KHDRBS2: variants seen among roughly 807,000 people sequenced by gnomAD.
KHDRBS2 encodes the protein KH RNA binding domain containing, signal transduction associated 2, also known as KH domain-containing, RNA-binding, signal transduction-associated protein 2.
A neutral mutation model predicts 44.3 loss-of-function variants in KHDRBS2; 26 were observed. The ratio of observed to expected loss-of-function variants is 0.59; its 90% confidence interval spans 0.43 to 0.81. The LOEUF (loss-of-function observed/expected upper bound fraction) is 0.81, where lower values mean the gene tolerates loss of function less well. Ranked by LOEUF, KHDRBS2 falls within the 40% of genes least tolerant of loss-of-function variation. The pLI, the probability that KHDRBS2 is intolerant of heterozygous loss-of-function variation, is 0.00. For missense variants in KHDRBS2, 476 were observed against 433.1 expected (o/e 1.10, Z -0.88); for synonymous variants, 194 against 151.1 (o/e 1.28, Z -2.08).
chr6:62,015,154 A>G (rs187797422), intron 3 of KHDRBS2, among the ~76,000 whole-genome samples: 23 of 152,280 alleles, frequency 1.5e-4, no homozygotes, highest in Admixed American at 1.2e-3. Context: ...TTGAATCATC[A>G]TTATATCACT....
At chr6:62,008,036 T>A (rs1779587237) in intron 3 of KHDRBS2, among the ~76,000 whole-genome samples, 1 of 152,184 alleles carries the variant, frequency 6.6e-6, no homozygotes. Context: ...AAGCATTGAC[T>A]GTATGTAGAA....
intron 1 of KHDRBS2, among the ~76,000 whole-genome samples, chr6:62,243,733 C>A (rs1343316337): frequency 2.0e-5 from 3 of 152,126 alleles, no homozygotes; most frequent in African/African-American, 7.2e-5. Flanking sequence ...AAAACCAATT[C>A]TCAGTTTATA....
chr6:62,097,103 TTTTG>T (rs1490244143), intron 2 of KHDRBS2, among the ~76,000 whole-genome samples: 4 of 151,838 alleles, frequency 2.6e-5, no homozygotes, highest in Admixed American at 6.6e-5. Context: ...CCTGATATAA[TTTTG>T]TTTTTTTTTT....
the KHDRBS2 span, among the ~76,000 whole-genome samples, chr6:61,571,596 A>G: frequency 2.6e-5 from 4 of 152,124 alleles, no homozygotes; most frequent in African/African-American, 9.7e-5. Flanking sequence ...TTGACCCTAC[A>G]ACTGCAAAAT....
intron 6 of KHDRBS2, among the ~76,000 whole-genome samples, chr6:61,748,033 T>C (rs1424084501): frequency 6.6e-6 from 1 of 152,170 alleles, no homozygotes; most frequent in African/African-American, 2.4e-5. Context: ...CACTGTTGCC[T>C]GAGCTGCAGT....
At chr6:62,052,205 T>G (rs139123759) in intron 2 of KHDRBS2, among the ~76,000 whole-genome samples, 2,783 of 152,136 alleles carry the variant, frequency 0.018, 52 homozygotes, top group South Asian at 0.041. Flanking sequence ...GTAGCATTAT[T>G]CATGATACTA....
intron 4 of KHDRBS2, among the ~76,000 whole-genome samples, chr6:61,906,019 T>A (rs1804944394): frequency 6.6e-6 from 1 of 151,994 alleles, no homozygotes; most frequent in Admixed American, 6.6e-5. Context: ...GGGTAATTTT[T>A]GTATTTTTAG....
intron 1 of KHDRBS2, among the ~76,000 whole-genome samples, chr6:62,212,490 T>C (rs1829232036): frequency 2.0e-5 from 3 of 152,022 alleles, no homozygotes; most frequent in African/African-American, 7.2e-5. Context: ...TACCTCAGAA[T>C]ATGACCTTTT....
At chr6:61,543,391 T>A in the KHDRBS2 span, among the ~76,000 whole-genome samples, 1 of 151,840 alleles carries the variant, frequency 6.6e-6, no homozygotes, top group Non-Finnish European at 1.5e-5. Context: ...AAAAATGCAA[T>A]GAAATATCAT....
At chr6:62,277,731 C>G (rs1422182571) in intron 1 of KHDRBS2, among the ~76,000 whole-genome samples, 1 of 152,106 alleles carries the variant, frequency 6.6e-6, no homozygotes, top group Admixed American at 6.6e-5. Flanking sequence ...AATTAATCCT[C>G]CAAACTATAA....
chr6:62,026,434 TA>T (rs1366484979), intron 3 of KHDRBS2, among the ~76,000 whole-genome samples: 2 of 141,244 alleles, frequency 1.4e-5, no homozygotes, highest in East Asian at 2.0e-4. Context: ...TTATTATTAT[TA>T]TTATTTTTTT....
intron 3 of KHDRBS2, among the ~76,000 whole-genome samples, chr6:61,991,268 C>A (rs1348646656): frequency 6.6e-6 from 1 of 152,038 alleles, no homozygotes; most frequent in East Asian, 1.9e-4. Flanking sequence ...GAGTGTATGC[C>A]AAATAAAGTA....
At chr6:61,867,094 G>A (rs1396413282) in intron 6 of KHDRBS2, among the ~76,000 whole-genome samples, 5 of 152,054 alleles carry the variant, frequency 3.3e-5, no homozygotes, top group African/African-American at 1.2e-4. Context: ...CCACTCTACT[G>A]GTACCAATTT....
intron 2 of KHDRBS2, among the ~76,000 whole-genome samples, chr6:62,065,328 G>GAA (rs1398544363): frequency 9.2e-5 from 14 of 151,902 alleles, no homozygotes; most frequent in Non-Finnish European, 1.9e-4. Flanking sequence ...AAAGACACAT[G>GAA]CACATGTATG....
At chr6:61,610,991 A>T in the KHDRBS2 span, among the ~76,000 whole-genome samples, 1 of 152,214 alleles carries the variant, frequency 6.6e-6, no homozygotes, top group Non-Finnish European at 1.5e-5. Flanking sequence ...TCTGATGGAG[A>T]AAATGGCAGG....
intron 1 of KHDRBS2, among the ~76,000 whole-genome samples, chr6:62,266,788 A>AT (rs1481712843): frequency 2.0e-5 from 3 of 151,920 alleles, no homozygotes; most frequent in Non-Finnish European, 2.9e-5. Context: ...GAATAACTGC[A>AT]TTTTTTCTCC....
chr6:61,773,238 G>C lies in KHDRBS2; in HGVS notation c.811-40474C>G, dbSNP rs375549052. Among the ~76,000 whole-genome samples the C allele has an allele frequency of 3.8e-4, 58 of 152,148 alleles. 1 individual carries two copies. The highest frequency in any genetic ancestry group is 1.2e-3 in the African/African-American group (49 of 41,484). ...CACACTGACTTCCACAATGGTTGAAGTAGTTTACAGTCCCACCAACAGTGT... is the reference window on the plus strand; with the variant it reads ...CACACTGACTTCCACAATGGTTGAACTAGTTTACAGTCCCACCAACAGTGT... On this transcript the variant is annotated intron_variant, in intron 6 of 8. Transcript: ENST00000281156.
At chr6:61,635,313 G>A in the KHDRBS2 span, among the ~76,000 whole-genome samples, 2 of 151,926 alleles carry the variant, frequency 1.3e-5, no homozygotes, top group African/African-American at 4.8e-5. Context: ...GGCAAGAATG[G>A]GAGAAGACGT....
the KHDRBS2 span, among the ~76,000 whole-genome samples, chr6:61,647,990 T>G: frequency 2.0e-5 from 3 of 152,188 alleles, 1 homozygote; most frequent in South Asian, 6.2e-4. Flanking sequence ...GGACCAACCT[T>G]GCTCCCTTAA....
Sources: allele counts gnomAD v4.1 joint callset (sites outside exome capture counted in the v4.1 genomes callset), GRCh38; gene constraint gnomAD v4.1.1; transcripts MANE v1.5; gene names NCBI Gene and HGNC (gene_info 2026-07-23, HGNC 2026-07-21).